Variants in ATP2B2 observed in about 807,000 individuals in gnomAD.
The protein encoded by ATP2B2 is plasma membrane calcium-transporting ATPase 2.
In ATP2B2, 15 loss-of-function variants were observed where a neutral mutation model predicts 120.0. That is an observed-to-expected ratio of 0.12 (90% CI 0.08 to 0.19). ATP2B2 has a LOEUF of 0.19. Among genes scored for constraint, ATP2B2 ranks in the 10% least tolerant of loss-of-function variants. The pLI is 1.00. For missense variants in ATP2B2, 1,045 were observed against 1,719.8 expected (o/e 0.61, Z 6.94); for synonymous variants, 694 against 700.3 (o/e 0.99, Z 0.14).
At chr3:10,641,531 T>C (rs1000425906) in intron 1 of ATP2B2, among the ~76,000 whole-genome samples, 19 of 152,226 alleles carry the variant, frequency 1.2e-4, no homozygotes, top group African/African-American at 4.6e-4. Context: ...TTTTTTCTAG[T>C]TGTTACTGTT....
intron 11 of ATP2B2, among the ~76,000 whole-genome samples, chr3:10,372,790 T>C (rs1310703856): frequency 6.6e-6 from 1 of 152,230 alleles, no homozygotes; most frequent in Non-Finnish European, 1.5e-5. Context: ...TTTTCTTCTA[T>C]CTGCCTTCTT....
In ATP2B2 at chr3:10,517,225, C is replaced by T. The variant is rs542080220; in HGVS notation, c.-320+16814G>A. Among the ~76,000 whole-genome samples the T allele has an allele frequency of 3.5e-4, 53 of 152,296 alleles. No individual in the cohort carries two copies. The South Asian group carries it at 6.2e-3, about 18-fold the overall frequency. On this transcript the variant is annotated intron_variant, in intron 3 of 21. Coordinates refer to the ATP2B2 transcript ENST00000646379. ...CTAACCAGGTCGACTGGGTCTACAC[C>T]GAGGAGCTGAGGAAGGCTGGGGGCG...
chr3:10,662,185 C>A (rs2070801583), intron 1 of ATP2B2, among the ~76,000 whole-genome samples: 1 of 151,664 alleles, frequency 6.6e-6, no homozygotes, highest in South Asian at 2.1e-4. Flanking sequence ...AGGACATAGG[C>A]ATAGGCATGT....
intron 3 of ATP2B2, among the ~76,000 whole-genome samples, chr3:10,409,393 A>T (rs535838483): frequency 1.7e-4 from 26 of 152,002 alleles, no homozygotes; most frequent in African/African-American, 6.0e-4. Context: ...TATTATTATT[A>T]TTTTTTAAAT....
intron 1 of ATP2B2, among the ~76,000 whole-genome samples, chr3:10,695,148 C>G (rs1260527550): frequency 6.6e-6 from 1 of 151,126 alleles, no homozygotes; most frequent in Non-Finnish European, 1.5e-5. Context: ...GTTTAATGGA[C>G]TTACAGTTCC....
Position 10,383,114 on chromosome 3 carries a change from G to A in ATP2B2, c.1000+2154C>T, listed in dbSNP as rs942919660. Among the ~76,000 whole-genome samples, 59 of 143,662 alleles carry A rather than the reference G, an allele frequency of 4.1e-4. 1 individual carries two copies. The highest frequency in any genetic ancestry group is 1.2e-3 in the African/African-American group (45 of 38,842). The allele number at this position is 143,662 out of a possible 152,430, so 94.2% of individuals were successfully genotyped here. ...TATTATACTTTAAGTTTTAGGGTACGTGTGCACCCTAAAACTTAAAGTATA... is the reference window on the plus strand; with the variant it reads ...TATTATACTTTAAGTTTTAGGGTACATGTGCACCCTAAAACTTAAAGTATA... On this transcript the variant is annotated intron_variant, in intron 8 of 22. Transcript: ENST00000360273.
chr3:10,538,337 A>G (rs534280090), intron 2 of ATP2B2, among the ~76,000 whole-genome samples: 1 of 152,356 alleles, frequency 6.6e-6, no homozygotes, highest in South Asian at 2.1e-4. Flanking sequence ...AAATATTCCC[A>G]TCAATAGAAA....
intron 6 of ATP2B2, among the ~76,000 whole-genome samples, chr3:10,387,331 C>G (rs1197223419): frequency 6.6e-6 from 1 of 152,216 alleles, no homozygotes; most frequent in Non-Finnish European, 1.5e-5. Context: ...AATCTTCAGT[C>G]TCGACCTAAG....
chr3:10,557,173 A>G (rs2067800007), intron 2 of ATP2B2, among the ~76,000 whole-genome samples: 1 of 152,176 alleles, frequency 6.6e-6, no homozygotes. Context: ...AGAGGTAAAT[A>G]TGCAGCTTGG....
intron 1 of ATP2B2, among the ~76,000 whole-genome samples, chr3:10,690,575 T>C (rs1193137372): frequency 6.6e-6 from 1 of 152,178 alleles, no homozygotes; most frequent in African/African-American, 2.4e-5. Context: ...CTCAAGCTCT[T>C]AAGCTACTTT....
chr3:10,598,526 G>C (rs17033194), intron 2 of ATP2B2, among the ~76,000 whole-genome samples: 36,421 of 152,032 alleles, frequency 0.24, 4,562 homozygotes, highest in East Asian at 0.39. Context: ...AACCATGCAC[G>C]CTCCTGAGAA....
intron 2 of ATP2B2, among the ~76,000 whole-genome samples, chr3:10,605,217 C>G (rs1217321170): frequency 6.6e-6 from 1 of 152,216 alleles, no homozygotes; most frequent in African/African-American, 2.4e-5. Flanking sequence ...CAGATGCTGA[C>G]AGTAACAAGA....
At chr3:10,529,779 G>T (rs921168081) in intron 3 of ATP2B2, among the ~76,000 whole-genome samples, 1 of 152,168 alleles carries the variant, frequency 6.6e-6, no homozygotes, top group African/African-American at 2.4e-5. Context: ...TTAAAATGAG[G>T]CCACTAGAAT....
chr3:10,420,276 G>A (rs1042361559), intron 2 of ATP2B2, among the ~76,000 whole-genome samples: 1 of 152,206 alleles, frequency 6.6e-6, no homozygotes, highest in Admixed American at 6.5e-5. Context: ...ATGGGACAGC[G>A]GATCTAGGTC....
intron 1 of ATP2B2, among the ~76,000 whole-genome samples, chr3:10,459,206 G>A (rs770260117): frequency 4.6e-5 from 7 of 152,242 alleles, no homozygotes; most frequent in African/African-American, 1.2e-4. Context: ...TTCTGACTGC[G>A]GTGCCTGCCT....
At chr3:10,541,266 T>C (rs1235524206) in intron 2 of ATP2B2, among the ~76,000 whole-genome samples, 1 of 152,200 alleles carries the variant, frequency 6.6e-6, no homozygotes, top group African/African-American at 2.4e-5. Flanking sequence ...TTCAACTTTA[T>C]CGATTTCTAC....
rs563196429 is a variant in ATP2B2, at chr3:10,348,227, C to T, written c.2404+1885G>A. Among the ~76,000 whole-genome samples, 7 of 152,234 alleles carry T rather than the reference C, an allele frequency of 4.6e-5. No homozygotes were observed. In the South Asian group the frequency reaches 1.5e-3, roughly 32 times the overall value. On this transcript the variant is annotated intron_variant, in intron 16 of 22. Transcript: ENST00000360273. ...TCCTCATCCCTCCATGACATGCAAA[C>T]CACCACCCAGCCCAGACCCCTCCAC...
At chr3:10,520,840 T>C (rs1318760230) in intron 3 of ATP2B2, among the ~76,000 whole-genome samples, 2 of 151,672 alleles carry the variant, frequency 1.3e-5, no homozygotes, top group African/African-American at 4.8e-5. Context: ...GAACAAACTA[T>C]ATGGCATACG....
chr3:10,336,297 C>T, intron 22 of ATP2B2: 1 of 1,550,498 alleles, frequency 6.4e-7, no homozygotes, highest in Non-Finnish European at 8.7e-7. Flanking sequence ...TTGACTACTT[C>T]AATCTGCAAC....
Sources: gnomAD v4.1 joint callset for allele counts (sites outside exome capture counted in the v4.1 genomes callset) on GRCh38, gnomAD v4.1.1 for gene constraint, MANE v1.5 for transcripts, NCBI Gene and HGNC (gene_info 2026-07-23, HGNC 2026-07-21) for gene names.